Variants in RADIL observed in about 807,000 individuals in gnomAD.
The protein encoded by RADIL is Rap associating with DIL domain, also known as ras-associating and dilute domain-containing protein.
In RADIL, 99 loss-of-function variants were observed where a neutral mutation model predicts 97.6. The ratio of observed to expected loss-of-function variants is 1.01; its 90% confidence interval spans 0.86 to 1.20. The LOEUF (loss-of-function observed/expected upper bound fraction) is 1.20, where lower values mean the gene tolerates loss of function less well. Among genes scored for constraint, RADIL ranks in the 50% most tolerant of loss-of-function variants. The pLI, the probability that RADIL is intolerant of heterozygous loss-of-function variation, is 0.00. For missense variants in RADIL, 1,765 were observed against 1,498.9 expected, an observed-to-expected ratio of 1.18 and a Z score of -2.93; for synonymous variants, 803 against 691.8, an observed-to-expected ratio of 1.16 and a Z score of -2.52.
In RADIL at chr7:4,816,585, G is replaced by C. The variant is rs555080273; in HGVS notation, c.1729-120C>G. ...TGCTTGCAGGGACCCGGCCTCGGTA[G>C]CTTCCTGCTGGACAGGCCATGGCTT... is the stretch of plus-strand genomic sequence containing the variant. On this transcript the variant is annotated intron_variant, in intron 7 of 14. Transcript: ENST00000399583. The C allele has an allele frequency of 1.6e-4, 122 of 765,694 alleles. No individual in the cohort carries two copies. In the African/African-American group the frequency reaches 1.7e-3, roughly 11 times the overall value. The allele number at this position is 765,694 out of a possible 1,614,324, so 47.4% of individuals were successfully genotyped here. A position where few individuals can be genotyped will look rare whatever the true frequency, so the allele number is the denominator to read the frequency against.
rs755020891 is a variant in RADIL, at chr7:4,816,385, G to A, written c.1809C>T (p.Pro603=). The change falls in exon 8 of 15, where the codon CCC becomes CCT. Residue 603 remains proline (P), a synonymous_variant. Coordinates refer to ENST00000399583, the MANE Select transcript of RADIL (RefSeq NM_018059.5). ...TERRESWSSA[P]ELPEELRRVV... is the part of the protein sequence containing the mutation. ...CGCGGCGCAGCTCCTCGGGCAGTTC[G>A]GGGGCCGAGGACCAGCTCTCACGGC... 1.6e-5 allele frequency: 26 copies of A among 1,609,408 alleles called. No homozygotes were observed. Among genetic ancestry groups the A allele is most frequent in the African/African-American group, 5.3e-5 (4 of 74,882 alleles).
At chr7:4,869,216 T>C (rs1391055796) in intron 2 of RADIL, among the ~76,000 whole-genome samples, 1 of 152,220 alleles carries the variant, frequency 6.6e-6, no homozygotes, top group Admixed American at 6.5e-5. Flanking sequence ...CACTGCAGCC[T>C]TGACCTTCTG....
intron 2 of RADIL, among the ~76,000 whole-genome samples, chr7:4,864,538 A>G (rs1257924666): frequency 6.6e-6 from 1 of 152,206 alleles, no homozygotes; most frequent in East Asian, 1.9e-4. Context: ...CCTTTAACTT[A>G]ACATAGTTTA....
rs1783404000 is a variant in RADIL at position 4,840,115 on chromosome 7, GAC to G, written c.536-3512_536-3511del. ...GCCTCTTGCTCACGTGTGGCTTTGT[GAC>G]TTGGCCCTGTCCCAAGATGAGGCTG... On this transcript the variant is annotated intron_variant, in intron 2 of 14. Coordinates refer to ENST00000399583, the MANE Select transcript of RADIL (RefSeq NM_018059.5). This position sits in a 1 kb window ranked among gnomAD's most constrained non-coding sequence, Gnocchi z 5.6. 6.6e-6 allele frequency among the ~76,000 whole-genome samples: 1 copy of G among 152,164 alleles called. No individual in the cohort carries two copies. The highest frequency in any genetic ancestry group is 2.1e-4 in the South Asian group (1 of 4,826).
intron 2 of RADIL, chr7:4,860,402 CTATAAACAG>C (rs1193777533): frequency 1.2e-6 from 2 of 1,613,758 alleles, no homozygotes; most frequent in Non-Finnish European, 1.7e-6. Flanking sequence ...CACTGCTTGC[CTATAAACAG>C]TATCTGTGAA....
chr7:4,799,472 A>T lies in RADIL; in HGVS notation c.3134T>A (p.Leu1045Gln). The T allele has an allele frequency of 6.2e-7, 1 of 1,613,962 alleles. No individual in the cohort carries two copies. The highest frequency in any genetic ancestry group is 8.5e-7 in the Non-Finnish European group (1 of 1,179,976). The change falls in exon 15 of 15, where the codon CTG becomes CAG. Residue 1045 changes from leucine (L) to glutamine (Q), a missense_variant. By Grantham distance (113) the Leu-to-Gln change is moderately radical. Coordinates refer to ENST00000399583, the MANE Select transcript of RADIL (RefSeq NM_018059.5). Reference protein sequence around the residue: ...LGLGYLRAVDLIRHGGKKMRF... With the variant: ...LGLGYLRAVDQIRHGGKKMRF... ...CATCTTCTTCCCGCCATGACGGATCAGGTCCACAGCTCTGAAATCCATGCC... is the reference window on the plus strand; with the variant it reads ...CATCTTCTTCCCGCCATGACGGATCTGGTCCACAGCTCTGAAATCCATGCC...
chr7:4,862,120 G>GC lies in RADIL; in HGVS notation c.535+15484dup, dbSNP rs996469051. 9.8e-4 allele frequency: 319 copies of GC among 326,936 alleles called. 3 individuals carry two copies. Among genetic ancestry groups the GC allele is most frequent in the African/African-American group, 6.3e-3 (297 of 47,032 alleles). The allele number at this position is 326,936 out of a possible 1,614,324, so 20.3% of individuals were successfully genotyped here. On this transcript the variant is annotated intron_variant, in intron 2 of 14. Transcript: ENST00000399583. ...TCTGGGCTGGGGCTCCTACCGCTGC[G>GC]CGGGGGGCTATACATGGGGGTGGGC...
chr7:4,804,965 A>G (rs1034716693), intron 10 of RADIL, among the ~76,000 whole-genome samples: 2 of 151,842 alleles, frequency 1.3e-5, no homozygotes, highest in Non-Finnish European at 2.9e-5. Context: ...GTGGTGGCGG[A>G]CACCTGTAAT....
rs181953481 is a variant in RADIL at position 4,854,666 on chromosome 7, C to A, written c.536-18061G>T. Among the ~76,000 whole-genome samples, 1 of 152,152 alleles carries A rather than the reference C, an allele frequency of 6.6e-6. No homozygotes were observed. Among genetic ancestry groups the A allele is most frequent in the African/African-American group, 2.4e-5 (1 of 41,432 alleles). On this transcript the variant is annotated intron_variant, in intron 2 of 14. Transcript: ENST00000399583. The surrounding 1 kb of genome is among the most constrained non-coding windows in gnomAD (Gnocchi z 5.1). ...CCGAGATGGCGCCACCGCACTCCAC[C>A]CTGGGCGACAGAGCGAGACTCCGTA...
In RADIL at chr7:4,822,676, A is replaced by G; in HGVS notation, c.1455-122T>C. The stretch of plus-strand genomic sequence containing the variant: ...ACGCTGACAACAACTGCAACCATCA[A>G]CCTGACACTGCTGGGCGGGGACGTT... On this transcript the variant is annotated intron_variant, in intron 5 of 14. Coordinates refer to ENST00000399583, the MANE Select transcript of RADIL (RefSeq NM_018059.5). This position sits in a 1 kb window ranked among gnomAD's most constrained non-coding sequence, Gnocchi z 5.3. 8.8e-7 allele frequency: 1 copy of G among 1,136,854 alleles called. No individual in the cohort carries two copies. The highest frequency in any genetic ancestry group is 1.2e-6 in the Non-Finnish European group (1 of 807,472). The allele number at this position is 1,136,854 out of a possible 1,614,324, so 70.4% of individuals were successfully genotyped here.
intron 2 of RADIL, among the ~76,000 whole-genome samples, chr7:4,875,980 A>G (rs1479079654): frequency 6.6e-6 from 1 of 152,118 alleles, no homozygotes; most frequent in African/African-American, 2.4e-5. Flanking sequence ...CCATAATTAA[A>G]GCAACCACAA....
chr7:4,812,254 TTTTTC>T (rs1377749134), intron 9 of RADIL, among the ~76,000 whole-genome samples: 1 of 152,246 alleles, frequency 6.6e-6, no homozygotes, highest in African/African-American at 2.4e-5. Context: ...ATAAGTATTC[TTTTTC>T]TTATTTGTCC....
In RADIL at chr7:4,801,815, G is replaced by C. The variant is rs763281383; in HGVS notation, c.2680C>G (p.Pro894Ala). The C allele has an allele frequency of 1.2e-6, 2 of 1,607,884 alleles. No homozygotes were observed. Among genetic ancestry groups the C allele is most frequent in the Non-Finnish European group, 8.5e-7 (1 of 1,177,992 alleles). Residue 894 changes from proline to alanine, a missense_variant, in exon 12 of 15, where the codon CCC becomes GCC. Physicochemically the swap from Pro to Ala is conservative, Grantham distance 27. Transcript: ENST00000399583. ...AAGCAGGACGAGTCCGTGTGCGGGG[G>C]GCCAGCCTGGGAGCCCCCACGGCTG... Reference protein sequence around the residue: ...QPSRGGSQAGPPHTDSSCLLT... With the variant: ...QPSRGGSQAGAPHTDSSCLLT...
rs556211131 is a variant in RADIL at position 4,818,793 on chromosome 7, G to A, written c.1616-1442C>T. Among the ~76,000 whole-genome samples the A allele has an allele frequency of 1.4e-4, 21 of 152,290 alleles. No individual in the cohort carries two copies. Among genetic ancestry groups the A allele is most frequent in the Non-Finnish European group, 2.5e-4 (17 of 68,018 alleles). On this transcript the variant is annotated intron_variant, in intron 6 of 14. Coordinates refer to ENST00000399583, the MANE Select transcript of RADIL (RefSeq NM_018059.5). The surrounding 1 kb of genome is among the most constrained non-coding windows in gnomAD (Gnocchi z 7.1). The stretch of plus-strand genomic sequence containing the variant: ...CCCACATCACTCCCTGGGCAGGGGC[G>A]GGGCACTGGTGGGAAGAGGGAAACG...
chr7:4,846,476 C>G (rs1583303288), intron 2 of RADIL, among the ~76,000 whole-genome samples: 2 of 150,122 alleles, frequency 1.3e-5, no homozygotes, highest in East Asian at 4.0e-4. Context: ...TGAGTTTTAA[C>G]TTTGGTGGGG....
In RADIL at chr7:4,873,219, C is replaced by G. The variant is rs1296497752; in HGVS notation, c.535+4386G>C. On this transcript the variant is annotated intron_variant, in intron 2 of 14. Transcript: ENST00000399583. This position sits in a 1 kb window ranked among gnomAD's most constrained non-coding sequence, Gnocchi z 4.3. ...AAGTGCTGGGATTACACGCGTGAGC[C>G]ACCGCGCCCGGCCAAGTGTGACTCT... Among the ~76,000 whole-genome samples, 1 of 152,200 alleles carries G rather than the reference C, an allele frequency of 6.6e-6. No individual in the cohort carries two copies. The highest frequency in any genetic ancestry group is 1.5e-5 in the Non-Finnish European group (1 of 68,048).
In RADIL at chr7:4,879,846, A is replaced by C. The variant is rs1342129095; in HGVS notation, c.-64-1643T>G. ...CCGGGGCGTGGGTCATCTTCTCTGG[A>C]GCCTCTCACTGCCCGCCAGAGCTGT... On this transcript the variant is annotated intron_variant, in intron 1 of 14. Coordinates refer to ENST00000399583, the MANE Select transcript of RADIL (RefSeq NM_018059.5). This position sits in a 1 kb window ranked among gnomAD's most constrained non-coding sequence, Gnocchi z 4.1. Among the ~76,000 whole-genome samples the C allele has an allele frequency of 6.6e-6, 1 of 152,098 alleles. No homozygotes were observed. The highest frequency in any genetic ancestry group is 2.4e-5 in the African/African-American group (1 of 41,418).
rs1782866280 is a variant in RADIL, at chr7:4,822,646, A to G, written c.1455-92T>C. Reference sequence around the variant, plus strand: ...TTTCTACATAAGGATGCGCGTTTTCATGGGACGCTGACAACAACTGCAACC... The same window carrying G: ...TTTCTACATAAGGATGCGCGTTTTCGTGGGACGCTGACAACAACTGCAACC... On this transcript the variant is annotated intron_variant, in intron 5 of 14. Coordinates refer to ENST00000399583, the MANE Select transcript of RADIL (RefSeq NM_018059.5). The surrounding 1 kb of genome is among the most constrained non-coding windows in gnomAD (Gnocchi z 5.3). The G allele has an allele frequency of 1.4e-6, 2 of 1,419,930 alleles. No individual in the cohort carries two copies. The highest frequency in any genetic ancestry group is 2.9e-5 in the African/African-American group (2 of 70,024). 88.0% of individuals were successfully genotyped at this position (1,419,930 alleles called of 1,614,324 possible).
In RADIL at chr7:4,883,637, C is replaced by G. The variant is rs995116048; in HGVS notation, c.-106G>C. ...CGCGCCGCCACGTTCCCGCGCTGCT[C>G]CCACCCGCCGTTGGCTGGGGCCGGC... On this transcript the variant is annotated 5_prime_UTR_variant, in exon 1 of 15. Coordinates refer to ENST00000399583, the MANE Select transcript of RADIL (RefSeq NM_018059.5). This position sits in a 1 kb window ranked among gnomAD's most constrained non-coding sequence, Gnocchi z 7.1. 6.6e-6 allele frequency: 1 copy of G among 152,056 alleles called. No homozygotes were observed. Among genetic ancestry groups the G allele is most frequent in the African/African-American group, 2.4e-5 (1 of 41,540 alleles). 9.4% of individuals were successfully genotyped at this position (152,056 alleles called of 1,614,324 possible). A position where few individuals can be genotyped will look rare whatever the true frequency, so the allele number is the denominator to read the frequency against.
Sources: gnomAD v4.1 joint callset for allele counts (sites outside exome capture counted in the v4.1 genomes callset) on GRCh38, gnomAD v4.1.1 for gene constraint, Gnocchi (gnomAD v3.1) non-coding constraint, MANE v1.5 for transcripts, NCBI Gene and HGNC (gene_info 2026-07-23, HGNC 2026-07-21) for gene names.